Variants in PHRF1 observed in about 807,000 individuals in gnomAD.
PHRF1 encodes PHD and RING finger domain-containing protein 1.
A neutral mutation model predicts 128.9 loss-of-function variants in PHRF1; 53 were observed. The ratio of observed to expected loss-of-function variants is 0.41; its 90% CI spans 0.33 to 0.52. The LOEUF (loss-of-function observed/expected upper bound fraction) is 0.52. PHRF1 is among the 20% of genes least tolerant of loss of function. PHRF1 has a pLI of 0.21. For missense variants in PHRF1, 2,503 were observed against 2,284.5 expected, an observed-to-expected ratio of 1.10 and a Z score of -1.95; for synonymous variants, 1,178 against 980.6, an observed-to-expected ratio of 1.20 and a Z score of -3.76.
chr11:586,112 C>G (rs1319466223), intron 3 of PHRF1, among the ~76,000 whole-genome samples: 1 of 152,200 alleles, frequency 6.6e-6, no homozygotes, highest in Non-Finnish European at 1.5e-5. Context: ...CCACCTGCCT[C>G]AGCCTCCCAA....
At chr11:582,517 C>T (rs573052989) in intron 3 of PHRF1, among the ~76,000 whole-genome samples, 1 of 152,036 alleles carries the variant, frequency 6.6e-6, no homozygotes, top group South Asian at 2.1e-4. Context: ...TGTGCCTGGC[C>T]TGTAGTCCTC....
rs202241158 is a variant in PHRF1, at chr11:609,365, C to A, written c.3909C>A (p.Phe1303Leu). 6.2e-7 allele frequency: 1 copy of A among 1,612,158 alleles called. No homozygotes were observed. The highest frequency in any genetic ancestry group is 2.2e-5 in the East Asian group (1 of 44,892). The change falls in exon 14 of 18, where the codon TTC becomes TTA. Residue 1303 changes from phenylalanine (F) to leucine (L), a missense_variant. Physicochemically the swap from Phe to Leu is conservative, Grantham distance 22. Coordinates refer to ENST00000264555, the MANE Select transcript of PHRF1 (RefSeq NM_001286581.2). ...ESTDSSPERD[F>L]PLKPALPPAS... ...CAGACTCTTCCCCGGAGCGAGACTT[C>A]CCACTGAAGCCTGCGTTGCCCCCAG...
rs750081372 is a variant in PHRF1, at chr11:609,303, C to T, written c.3847C>T (p.Leu1283Phe). Residue 1283 changes from leucine (L) to phenylalanine (F), a missense_variant, in exon 14 of 18, where the codon CTC becomes TTC. Physicochemically the swap from Leu to Phe is conservative, Grantham distance 22 (BLOSUM62 0). Transcript: ENST00000264555. ...DFSSDAVFIQLDDMSSPPSPE... is the reference protein window; with the variant it reads ...DFSSDAVFIQFDDMSSPPSPE... Reference sequence around the variant, plus strand: ...CTCAAGCGACGCCGTTTTCATCCAGCTCGATGACATGAGCTCGCCACCTTC... The same window carrying T: ...CTCAAGCGACGCCGTTTTCATCCAGTTCGATGACATGAGCTCGCCACCTTC... The T allele has an allele frequency of 1.6e-5, 25 of 1,612,458 alleles. 1 individual carries two copies. In the South Asian group the frequency reaches 2.6e-4, roughly 17 times the overall value.
Position 607,582 on chromosome 11 carries a change from C to G in PHRF1, c.2126C>G (p.Ala709Gly). 1 of 1,612,470 alleles carries G rather than the reference C, an allele frequency of 6.2e-7. No homozygotes were observed. The highest frequency in any genetic ancestry group is 8.5e-7 in the Non-Finnish European group (1 of 1,179,844). Residue 709 changes from alanine to glycine, a missense_variant, in exon 14 of 18, where the codon GCC becomes GGC. Physicochemically the swap from Ala to Gly is moderately conservative, Grantham distance 60. Transcript: ENST00000264555. ...GGGCAGAGCATTGAGATCCCCAGTG[C>G]CTGCATCAGCCGACTGACTGGCAGG... is the stretch of plus-strand genomic sequence containing the variant. ...AHGQSIEIPSACISRLTGREG... is the reference protein window; with the variant it reads ...AHGQSIEIPSGCISRLTGREG...
Position 591,413 on chromosome 11 carries a change from T to C in PHRF1, c.450T>C (p.Thr150=). 6.2e-7 allele frequency: 1 copy of C among 1,610,078 alleles called. No individual in the cohort carries two copies. Among genetic ancestry groups the C allele is most frequent in the Non-Finnish European group, 8.5e-7 (1 of 1,178,410 alleles). Residue 150 remains threonine, a synonymous_variant, in exon 5 of 18, where the codon ACT becomes ACC. Coordinates refer to ENST00000264555, the MANE Select transcript of PHRF1 (RefSeq NM_001286581.2). The stretch of plus-strand genomic sequence containing the variant: ...CCAATTCCTGTCCAGTTGATCGAAC[T>C]CTATTTAAGTGCATTTGTATTCGAG... The part of the protein sequence containing the change: ...KNANSCPVDR[T]LFKCICIRAQ...
In PHRF1 at chr11:601,618, C is replaced by A. The variant is rs772877362; in HGVS notation, c.1069C>A (p.Pro357Thr). 6.2e-7 allele frequency: 1 copy of A among 1,613,712 alleles called. No homozygotes were observed. The highest frequency in any genetic ancestry group is 1.7e-5 in the Admixed American group (1 of 60,004). The change falls in exon 10 of 18, where the codon CCA becomes ACA. Residue 357 changes from proline (P) to threonine (T), a missense_variant. Physicochemically the swap from Pro to Thr is conservative, Grantham distance 38. Coordinates refer to ENST00000264555, the MANE Select transcript of PHRF1 (RefSeq NM_001286581.2). ...VPGRKKTPSGPSAKSKSSATR... is the reference protein window; with the variant it reads ...VPGRKKTPSGTSAKSKSSATR... ...GGGAAGAAAGAAAACCCCGTCCGGA[C>A]CATCCGCAAAAAGTAAGAGCTCAGC... is the stretch of plus-strand genomic sequence containing the variant.
Position 609,629 on chromosome 11 carries a change from C to G in PHRF1, c.4173C>G (p.Thr1391=). 1.9e-6 allele frequency: 3 copies of G among 1,580,434 alleles called. No homozygotes were observed. The Admixed American group carries it at 5.4e-5, about 29-fold the overall frequency. Residue 1391 remains threonine (T), a synonymous_variant, in exon 14 of 18, where the codon ACC becomes ACG. Transcript: ENST00000264555. ...AARPEEVVSQ[T]PLLRSRALVK... Reference sequence around the variant, plus strand: ...GGCCTGAGGAGGTGGTTTCGCAGACCCCCCTGCTGCGGTCCAGAGCCCTGG... The same window carrying G: ...GGCCTGAGGAGGTGGTTTCGCAGACGCCCCTGCTGCGGTCCAGAGCCCTGG...
At chr11:606,927 GC>G (rs1855983899) in intron 13 of PHRF1, 138 bp from the exon 14 acceptor site, 6 of 1,352,482 alleles carry the variant, frequency 4.4e-6, no homozygotes, top group Non-Finnish European at 5.9e-6. Flanking sequence ...GTGTGGAAAG[GC>G]GAGGTGTCCA....
chr11:591,328 T>C lies in PHRF1; in HGVS notation c.421-56T>C, dbSNP rs1465310897. ...TTGATTTTCAGTGTAAAAGAATTTT[T>C]GATCTCTAAGTGAAAGTGATTGACA... is the stretch of plus-strand genomic sequence containing the variant. On this transcript the variant is annotated intron_variant, in intron 4 of 17. Transcript: ENST00000264555. 12 of 1,462,240 alleles carry C rather than the reference T, an allele frequency of 8.2e-6. No homozygotes were observed. In the East Asian group the frequency reaches 2.2e-4, roughly 26 times the overall value. The allele number at this position is 1,462,240 out of a possible 1,614,324, so 90.6% of individuals were successfully genotyped here. A position where few individuals can be genotyped will look rare whatever the true frequency, so the allele number is the denominator to read the frequency against.
At chr11:609,947 T>G (rs1856261711) in intron 14 of PHRF1, among the ~76,000 whole-genome samples, 1 of 152,058 alleles carries the variant, frequency 6.6e-6, no homozygotes, top group Admixed American at 6.5e-5. Flanking sequence ...ACAGGGAGCT[T>G]CTGGAGCCAG....
intron 10 of PHRF1, among the ~76,000 whole-genome samples, chr11:604,798 C>T (rs1855845868): frequency 6.6e-6 from 1 of 152,202 alleles, no homozygotes; most frequent in Admixed American, 6.5e-5. Flanking sequence ...AGATGTGAGC[C>T]ATCAAGGGGT....
Position 597,059 on chromosome 11 carries a change from T to C in PHRF1, c.718+39T>C. The C allele has an allele frequency of 6.3e-7, 1 of 1,593,814 alleles. No individual in the cohort carries two copies. ...TCCCGTCCCAAGGCGCACATGGGCC[T>C]TCTCACTGTCCACTCTGCGGTCCCC... On this transcript the variant is annotated intron_variant, in intron 7 of 17. Transcript: ENST00000264555. The surrounding 1 kb of genome is among the most constrained non-coding windows in gnomAD (Gnocchi z 6.5).
At chr11:581,680 CTGTG>C in intron 2 of PHRF1, 74 bp downstream of exon 2, 1 of 1,353,864 alleles carries the variant, frequency 7.4e-7, no homozygotes, top group African/African-American at 1.5e-5. Flanking sequence ...TGGAGGTCGT[CTGTG>C]TGTGTCACTT....
chr11:588,330 T>C (rs1854709394), intron 4 of PHRF1, among the ~76,000 whole-genome samples: 1 of 152,212 alleles, frequency 6.6e-6, no homozygotes, highest in African/African-American at 2.4e-5. Context: ...GTTCCTGTTC[T>C]GTTGTGGTGG....
rs56695874 is a variant in PHRF1 at position 605,393 on chromosome 11, G to T, written c.1334+93G>T. On this transcript the variant is annotated intron_variant, in intron 11 of 17. Transcript: ENST00000264555. ...CCCGAGGTGCATGCGGAGGCGTTAG[G>T]TTTTGTGTTTGAGAGTGAGGGTGGC... The T allele has an allele frequency of 2.0e-6, 3 of 1,525,302 alleles. No homozygotes were observed. The East Asian group carries it at 6.8e-5, about 35-fold the overall frequency. The allele number at this position is 1,525,302 out of a possible 1,614,324, so 94.5% of individuals were successfully genotyped here.
At position 608,102 on chromosome 11, in the gene PHRF1, C is replaced by T; in HGVS notation, c.2646C>T (p.Tyr882=). The T allele has an allele frequency of 1.9e-6, 3 of 1,611,902 alleles. No homozygotes were observed. The highest frequency in any genetic ancestry group is 2.5e-6 in the Non-Finnish European group (3 of 1,179,872). The change falls in exon 14 of 18, where the codon TAC becomes TAT. Residue 882 remains tyrosine, a synonymous_variant. Coordinates refer to ENST00000264555, the MANE Select transcript of PHRF1 (RefSeq NM_001286581.2). Reference sequence around the variant, plus strand: ...AGGCTGTGCGCTGCGTCACCTCCTACACGGTGGAGAGCATCTTTGGTACAG... The same window carrying T: ...AGGCTGTGCGCTGCGTCACCTCCTATACGGTGGAGAGCATCTTTGGTACAG... ...TVQAVRCVTS[Y]TVESIFGTEP...
intron 3 of PHRF1, among the ~76,000 whole-genome samples, chr11:584,424 C>T (rs1854402294): frequency 6.6e-6 from 1 of 152,190 alleles, no homozygotes; most frequent in Non-Finnish European, 1.5e-5. Flanking sequence ...TAGCAGCAAA[C>T]AGTGCGCCAA....
rs374494964 is a variant in PHRF1 at position 598,473 on chromosome 11, G to C, written c.995G>C (p.Arg332Pro). ...GTGTATCAGCGCCCCCTGACGCCGCGCACTCCCGCCCGACGGAAGAGGAAG... is the reference window on the plus strand; with the variant it reads ...GTGTATCAGCGCCCCCTGACGCCGCCCACTCCCGCCCGACGGAAGAGGAAG... ...TAVYQRPLTPRTPARRKRKTR... is the reference protein window; with the variant it reads ...TAVYQRPLTPPTPARRKRKTR... Residue 332 changes from arginine to proline, a missense_variant, in exon 9 of 18, where the codon CGC becomes CCC. By Grantham distance (103) the Arg-to-Pro change is moderately radical. Coordinates refer to ENST00000264555, the MANE Select transcript of PHRF1 (RefSeq NM_001286581.2). 6.2e-7 allele frequency: 1 copy of C among 1,609,806 alleles called. No homozygotes were observed. Among genetic ancestry groups the C allele is most frequent in the Admixed American group, 1.7e-5 (1 of 59,842 alleles).
chr11:589,094 C>G (rs1423762593), intron 4 of PHRF1, among the ~76,000 whole-genome samples: 1 of 151,728 alleles, frequency 6.6e-6, no homozygotes, highest in African/African-American at 2.4e-5. Flanking sequence ...TGAGATTGCA[C>G]CACTGCACTC....
Sources: gnomAD v4.1 joint callset for allele counts (sites outside exome capture counted in the v4.1 genomes callset) on GRCh38, gnomAD v4.1.1 for gene constraint, Gnocchi (gnomAD v3.1) non-coding constraint, MANE v1.5 for transcripts, NCBI Gene and HGNC (gene_info 2026-07-23, HGNC 2026-07-21) for gene names.